The following MACF1 variants were observed in gnomAD, a reference collection of about 807,000 sequenced individuals.
MACF1 encodes microtubule-actin cross-linking factor 1.
A neutral mutation model predicts 854.8 loss-of-function variants in MACF1; 193 were observed. The ratio of observed to expected loss-of-function variants is 0.23; its 90% CI spans 0.20 to 0.25. The LOEUF (loss-of-function observed/expected upper bound fraction) is 0.25, where lower values mean the gene tolerates loss of function less well. MACF1 is among the 10% of genes least tolerant of loss of function. The probability of loss-of-function intolerance (pLI) is 1.00; values close to 1 mark genes in which losing one functional copy is unlikely to be tolerated. For missense variants in MACF1, 7,722 were observed against 8,929.1 expected (o/e 0.86, Z 5.45); for synonymous variants, 3,185 against 3,226.7 (o/e 0.99, Z 0.44).
Position 39,481,038 on chromosome 1 carries a change from A to G in MACF1, c.22281+8A>G, listed in dbSNP as rs1040630725. ...CAGCTGCCCACCCCCGAGGTAGAGT[A>G]TGGCTTTGCTGACTGAGGACACAGT... On this transcript the variant is annotated splice_region_variant and intron_variant, in intron 99 of 100. Transcript: ENST00000564288. 6 of 1,531,034 alleles carry G rather than the reference A, an allele frequency of 3.9e-6. No homozygotes were observed. The Admixed American group carries it at 9.8e-5, about 25-fold the overall frequency. The allele number at this position is 1,531,034 out of a possible 1,614,324, so 94.8% of individuals were successfully genotyped here. A position where few individuals can be genotyped will look rare whatever the true frequency, so the allele number is the denominator to read the frequency against.
At chr1:39,469,680 A>T in intron 97 of MACF1, 65 bp downstream of exon 97, 1 of 1,222,192 alleles carries the variant, frequency 8.2e-7, no homozygotes, top group Non-Finnish European at 1.2e-6. Flanking sequence ...TTTGCTTCTT[A>T]AACTGTAACA....
At chr1:39,435,531 T>C (rs1303295224) in intron 69 of MACF1, 27 bp from the exon 70 acceptor site, 1 of 1,571,390 alleles carries the variant, frequency 6.4e-7, no homozygotes, top group East Asian at 2.2e-5. Context: ...AAAGTACTCA[T>C]TATGGTTTAA....
At chr1:39,297,562 A>C in intron 20 of MACF1, 58 bp from the exon 21 acceptor site, 1 of 1,602,056 alleles carries the variant, frequency 6.2e-7, no homozygotes, top group Admixed American at 1.7e-5. Context: ...TTTCTTAGTT[A>C]ATATTCCGGT....
At chr1:39,289,693 C>T (rs1320674540) in intron 15 of MACF1, among the ~76,000 whole-genome samples, 16 of 28,938 alleles carry the variant, frequency 5.5e-4, no homozygotes, top group South Asian at 2.1e-3. Flanking sequence ...GTGGGTTGTC[C>T]TTTTTTTTTT....
intron 49 of MACF1, among the ~76,000 whole-genome samples, chr1:39,362,280 C>G (rs1392913845): frequency 6.6e-6 from 1 of 152,240 alleles, no homozygotes; most frequent in Non-Finnish European, 1.5e-5. Context: ...AGTACTTCAG[C>G]ATTCCTGTAT....
intron 49 of MACF1, among the ~76,000 whole-genome samples, chr1:39,364,615 C>T (rs576005639): frequency 1.3e-5 from 2 of 152,104 alleles, no homozygotes; most frequent in Admixed American, 1.3e-4. Context: ...GCCTCAGCCT[C>T]CTGAGCAGCT....
Position 39,303,053 on chromosome 1 carries a change from A to G in MACF1, c.2764A>G (p.Lys922Glu). 6.2e-7 allele frequency: 1 copy of G among 1,614,042 alleles called. No homozygotes were observed. The highest frequency in any genetic ancestry group is 8.5e-7 in the Non-Finnish European group (1 of 1,179,932). Reference sequence around the variant, plus strand: ...CTGCTTCCTCATCCCCCCACCCAATAAGGATGCCATTGAGATGGCCAGCAG... The same window carrying G: ...CTGCTTCCTCATCCCCCCACCCAATGAGGATGCCATTGAGATGGCCAGCAG... ...SVCFLIPPPN[K>E]DAIEMASRVE... The change falls in exon 23 of 101, where the codon AAG becomes GAG. Residue 922 changes from lysine (K) to glutamate (E), a missense_variant. Coordinates refer to ENST00000564288, the MANE Select transcript of MACF1 (RefSeq NM_001394062.1).
intron 58 of MACF1, among the ~76,000 whole-genome samples, chr1:39,406,738 C>CAAAAAAAAAAAAAAAAAAAAAAAAA (rs5773658): frequency 9.4e-5 from 3 of 31,818 alleles, no homozygotes; most frequent in African/African-American, 3.0e-4. Context: ...GAGTCTCACT[C>CAAAAAAAAAAAAAAAAAAAAAAAAA]AAAAAAAAAA....
At chr1:39,284,817 T>C (rs538149119) in intron 11 of MACF1, among the ~76,000 whole-genome samples, 1 of 152,226 alleles carries the variant, frequency 6.6e-6, no homozygotes, top group South Asian at 2.1e-4. Flanking sequence ...ATAAAAGTTA[T>C]TGAGGGGAAA....
intron 22 of MACF1, 57 bp downstream of exon 22, chr1:39,300,419 G>GC: frequency 6.7e-7 from 1 of 1,500,182 alleles, no homozygotes; most frequent in Non-Finnish European, 9.1e-7. Flanking sequence ...AAGAAGGGAA[G>GC]CCTTCAGTTA....
At chr1:39,299,275 T>A (rs1262394261) in intron 21 of MACF1, 1 of 456,252 alleles carries the variant, frequency 2.2e-6, no homozygotes, top group Non-Finnish European at 4.4e-6. Context: ...ATTTAAGCAT[T>A]TCTTTTTCTT....
intron 58 of MACF1, among the ~76,000 whole-genome samples, chr1:39,398,183 G>T (rs998523023): frequency 3.3e-5 from 5 of 149,432 alleles, no homozygotes; most frequent in African/African-American, 1.2e-4. Context: ...CCATCACCCA[G>T]GCTAGAGTGC....
chr1:39,106,570 G>A (rs1571046364), intron 2 of MACF1, among the ~76,000 whole-genome samples: 1 of 152,172 alleles, frequency 6.6e-6, no homozygotes, highest in South Asian at 2.1e-4. Flanking sequence ...AGTTTGCTTT[G>A]GCTGGCAGTT....
chr1:39,296,546 A>G (rs1016158074), intron 20 of MACF1, among the ~76,000 whole-genome samples: 3 of 151,852 alleles, frequency 2.0e-5, no homozygotes, highest in Non-Finnish European at 4.4e-5. Context: ...CCTGGCCAAC[A>G]TGGTGAAACC....
intron 17 of MACF1, 78 bp downstream of exon 17, chr1:39,292,921 A>T (rs536359283): frequency 2.8e-5 from 35 of 1,233,228 alleles, no homozygotes; most frequent in Admixed American, 7.2e-5. Context: ...GTAATTCAGA[A>T]ATCTCCTGGT....
At chr1:39,244,499 TCTCGAACTCCTGAC>T (rs1644960354) in intron 2 of MACF1, among the ~76,000 whole-genome samples, 1 of 152,028 alleles carries the variant, frequency 6.6e-6, no homozygotes, top group Non-Finnish European at 1.5e-5. Context: ...GCCAGGCTGA[TCTCGAACTCCTGAC>T]CTCATGATCC....
chr1:39,368,061 T>C lies in MACF1; in HGVS notation c.12772-87T>C, dbSNP rs1648895428. Reference sequence around the variant, plus strand: ...TATTGTTTTGATCTAGCATTTGACCTGGCAAGCATACCTCTTTCCTTATTC... The same window carrying C: ...TATTGTTTTGATCTAGCATTTGACCCGGCAAGCATACCTCTTTCCTTATTC... On this transcript the variant is annotated intron_variant, in intron 49 of 100. Coordinates refer to ENST00000564288, the MANE Select transcript of MACF1 (RefSeq NM_001394062.1). The C allele has an allele frequency of 2.9e-6, 3 of 1,032,154 alleles. No individual in the cohort carries two copies. The Admixed American group carries it at 6.8e-5, about 23-fold the overall frequency. The allele number at this position is 1,032,154 out of a possible 1,614,324, so 63.9% of individuals were successfully genotyped here. A position where few individuals can be genotyped will look rare whatever the true frequency, so the allele number is the denominator to read the frequency against.
At chr1:39,117,671 T>C (rs1362900633) in intron 2 of MACF1, among the ~76,000 whole-genome samples, 1 of 152,112 alleles carries the variant, frequency 6.6e-6, no homozygotes, top group Non-Finnish European at 1.5e-5. Context: ...GTTATCACCA[T>C]CAGCAAAAAT....
intron 99 of MACF1, among the ~76,000 whole-genome samples, chr1:39,484,229 A>C (rs934836509): frequency 2.6e-5 from 4 of 152,242 alleles, no homozygotes; most frequent in Admixed American, 1.3e-4. Context: ...CTCATTTCAA[A>C]TTTTTAACCC....
Sources: gnomAD v4.1 joint callset for allele counts (sites outside exome capture counted in the v4.1 genomes callset) on GRCh38, gnomAD v4.1.1 for gene constraint, MANE v1.5 for transcripts, NCBI Gene and HGNC (gene_info 2026-07-23, HGNC 2026-07-21) for gene names.